NMT2: variants seen among roughly 807,000 people sequenced by gnomAD.
NMT2 encodes N-myristoyltransferase 2, also known as glycylpeptide N-tetradecanoyltransferase 2.
NMT2 carries 35 observed loss-of-function variants against 65.4 expected under a neutral mutation model. The observed-to-expected ratio is 0.54, with a 90% CI of 0.41 to 0.71. The LOEUF (loss-of-function observed/expected upper bound fraction) is 0.71, where lower values mean the gene tolerates loss of function less well. NMT2 is among the 30% of genes least tolerant of loss of function. The probability of loss-of-function intolerance (pLI) is 0.00; values close to 1 mark genes in which losing one functional copy is unlikely to be tolerated. For synonymous variants in NMT2, 226 were observed against 231.8 expected, an observed-to-expected ratio of 0.98 and a Z score of 0.23; for missense variants, 489 against 611.3, an observed-to-expected ratio of 0.80 and a Z score of 2.11.
intron 1 of NMT2, among the ~76,000 whole-genome samples, chr10:15,162,758 A>G (rs1823489142): frequency 6.7e-6 from 1 of 148,318 alleles, no homozygotes; most frequent in Non-Finnish European, 1.5e-5. Flanking sequence ...ATATATATAT[A>G]TATTTTATTT....
chr10:15,147,275 A>G (rs1846999853), intron 1 of NMT2, among the ~76,000 whole-genome samples: 1 of 152,104 alleles, frequency 6.6e-6, no homozygotes. Context: ...TTTGAGACTA[A>G]TTATTTTACA....
At chr10:15,128,539 C>T (rs1846174380) in intron 7 of NMT2, 81 bp from the exon 8 acceptor site, 5 of 866,640 alleles carry the variant, frequency 5.8e-6, no homozygotes, top group Non-Finnish European at 9.5e-6. Flanking sequence ...TTGGCTGTTA[C>T]ATAAGCATTT....
chr10:15,130,181 G>A lies in NMT2; in HGVS notation c.851C>T (p.Thr284Ile), dbSNP rs149798719. ...NLEGIFQAVY[T>I]AGVVLPKPIA... ...GGGCTTAGGAAGAACCACTCCCGCGGTGTACACAGCCTGGAAGATCCCTTC... is the reference window on the plus strand; with the variant it reads ...GGGCTTAGGAAGAACCACTCCCGCGATGTACACAGCCTGGAAGATCCCTTC... The change falls in exon 7 of 12, where the codon ACC becomes ATC. Residue 284 changes from threonine to isoleucine, a missense_variant. By Grantham distance (89) the Thr-to-Ile change is moderately conservative. Transcript: ENST00000378165. 3.8e-5 allele frequency: 60 copies of A among 1,597,086 alleles called. No individual in the cohort carries two copies. The highest frequency in any genetic ancestry group is 3.9e-5 in the Non-Finnish European group (46 of 1,170,870).
At position 15,119,467 on chromosome 10, in the gene NMT2, T is replaced by G; in HGVS notation, c.1046A>C (p.Lys349Thr). Residue 349 changes from lysine (K) to threonine (T), a missense_variant, in exon 9 of 12, where the codon AAA becomes ACA. By Grantham distance (78) the Lys-to-Thr change is moderately conservative. Transcript: ENST00000378165. The part of the protein sequence containing the change: ...GLRPMEPKDI[K>T]SVRELINTYL... Reference sequence around the variant, plus strand: ...AGTGTTGATTAATTCTCGAACTGATTTGATATCTTTTGGTTCCATTGGTCT... The same window carrying G: ...AGTGTTGATTAATTCTCGAACTGATGTGATATCTTTTGGTTCCATTGGTCT... 6.2e-7 allele frequency: 1 copy of G among 1,614,188 alleles called. No homozygotes were observed. The highest frequency in any genetic ancestry group is 8.5e-7 in the Non-Finnish European group (1 of 1,180,030).
Position 15,108,992 on chromosome 10 carries a change from T to A in NMT2, c.*203A>T. 7.4e-7 allele frequency: 1 copy of A among 1,350,276 alleles called. No homozygotes were observed. Among genetic ancestry groups the A allele is most frequent in the Non-Finnish European group, 9.5e-7 (1 of 1,055,894 alleles). The allele number at this position is 1,350,276 out of a possible 1,614,324, so 83.6% of individuals were successfully genotyped here. Reference sequence around the variant, plus strand: ...GCCTTTCATCCCTCCCACAAATAGGTCAACAGTAAAAAAAGGATGAAGTTT... The same window carrying A: ...GCCTTTCATCCCTCCCACAAATAGGACAACAGTAAAAAAAGGATGAAGTTT... On this transcript the variant is annotated 3_prime_UTR_variant, in exon 12 of 12. Transcript: ENST00000378165.
intron 3 of NMT2, among the ~76,000 whole-genome samples, chr10:15,134,348 A>G (rs182889486): frequency 1.3e-4 from 20 of 152,170 alleles, no homozygotes; most frequent in Non-Finnish European, 2.6e-4. Context: ...TCTGGCCATG[A>G]TGACCGGGGC....
At chr10:15,160,060 T>C (rs908379511) in intron 1 of NMT2, among the ~76,000 whole-genome samples, 2 of 151,980 alleles carry the variant, frequency 1.3e-5, no homozygotes, top group Non-Finnish European at 2.9e-5. Flanking sequence ...AGAAGAAAGA[T>C]CAGGAGACAC....
chr10:15,155,272 A>C (rs773408438), intron 1 of NMT2: 2 of 1,438,300 alleles, frequency 1.4e-6, no homozygotes, highest in Admixed American at 3.4e-5. Flanking sequence ...ACGTGCCCCA[A>C]GGCCTCGCTG....
chr10:15,152,998 A>C (rs929126688), intron 1 of NMT2, among the ~76,000 whole-genome samples: 1 of 152,210 alleles, frequency 6.6e-6, no homozygotes, highest in African/African-American at 2.4e-5. Context: ...TGGTGTATCC[A>C]TTCAATGCTA....
At chr10:15,147,313 C>T (rs1847001099) in intron 1 of NMT2, among the ~76,000 whole-genome samples, 1 of 151,970 alleles carries the variant, frequency 6.6e-6, no homozygotes, top group Non-Finnish European at 1.5e-5. Flanking sequence ...TTTCCAAGTT[C>T]CTGCATGGAA....
rs987515138 is a variant in NMT2 at position 15,113,758 on chromosome 10, A to T, written c.1171-795T>A. ...GTTTGGAAGAGTTCGCAAGCTTGTG[A>T]AAGGTCTTACTACTGCACCAAAATA... On this transcript the variant is annotated intron_variant, in intron 9 of 11. Transcript: ENST00000378165. 3.9e-5 allele frequency among the ~76,000 whole-genome samples: 6 copies of T among 152,318 alleles called. No homozygotes were observed. The South Asian group carries it at 1.2e-3, about 32-fold the overall frequency.
chr10:15,141,469 C>G lies in NMT2; in HGVS notation c.199G>C (p.Asp67His), dbSNP rs746285395. Residue 67 changes from aspartate (D) to histidine (H), a missense_variant, in exon 2 of 12, where the codon GAC (aspartate) becomes CAC (histidine). By Grantham distance (81) the Asp-to-His change is moderately conservative. Coordinates refer to ENST00000378165, the MANE Select transcript of NMT2 (RefSeq NM_004808.3). The stretch of plus-strand genomic sequence containing the variant: ...ATCTCCTGGGAATCAGATGCCGAGT[C>G]TGACTTGGTGCCTCCGGAATTTGGT... ...EKPNSGGTKSDSASDSQEIKI... is the reference protein window; with the variant it reads ...EKPNSGGTKSHSASDSQEIKI... 6.2e-7 allele frequency: 1 copy of G among 1,614,220 alleles called. No individual in the cohort carries two copies. The highest frequency in any genetic ancestry group is 8.5e-7 in the Non-Finnish European group (1 of 1,180,046).
At chr10:15,152,561 G>C (rs1359031213) in intron 1 of NMT2, among the ~76,000 whole-genome samples, 1 of 152,210 alleles carries the variant, frequency 6.6e-6, no homozygotes. Flanking sequence ...GATACATAAA[G>C]TCTGTGGTTT....
At position 15,168,671 on chromosome 10, in the gene NMT2, C is replaced by G. The variant is rs1833463013; in HGVS notation, c.-59G>C. On this transcript the variant is annotated 5_prime_UTR_variant, in exon 1 of 12. Transcript: ENST00000378165. ...GGCCGGGCCGGAGCGGCCGCAGCTCCCTCTAGTGCCTCCCGCCGTACTGCT... is the reference window on the plus strand; with the variant it reads ...GGCCGGGCCGGAGCGGCCGCAGCTCGCTCTAGTGCCTCCCGCCGTACTGCT... 7.8e-7 allele frequency: 1 copy of G among 1,287,812 alleles called. No homozygotes were observed. The highest frequency in any genetic ancestry group is 1.1e-6 in the Non-Finnish European group (1 of 936,520). 79.8% of individuals were successfully genotyped at this position (1,287,812 alleles called of 1,614,324 possible).
intron 1 of NMT2, chr10:15,155,461 C>T (rs969751290): frequency 3.9e-5 from 18 of 463,620 alleles, no homozygotes; most frequent in East Asian, 1.3e-4. Context: ...CTTGAACTTC[C>T]GGGCTCAAGT....
chr10:15,111,979 A>C lies in NMT2; in HGVS notation c.1338+817T>G, dbSNP rs183427729. ...CAGGTGTGTGCTATCACACCCTGCT[A>C]ATTTTTGTATTTTTAGTAGAGACAG... On this transcript the variant is annotated intron_variant, in intron 10 of 11. Transcript: ENST00000378165. Among the ~76,000 whole-genome samples the C allele has an allele frequency of 7.1e-3, 1,062 of 150,316 alleles. 16 individuals carry two copies. The highest frequency in any genetic ancestry group is 0.025 in the African/African-American group (1,016 of 40,954).
intron 9 of NMT2, among the ~76,000 whole-genome samples, chr10:15,118,704 A>G (rs896494850): frequency 3.9e-5 from 6 of 152,206 alleles, no homozygotes; most frequent in African/African-American, 1.4e-4. Flanking sequence ...AATTAACAAG[A>G]TACTGTTCCA....
chr10:15,162,592 T>C (rs1439279507), intron 1 of NMT2, among the ~76,000 whole-genome samples: 1 of 151,914 alleles, frequency 6.6e-6, no homozygotes, highest in Non-Finnish European at 1.5e-5. Context: ...CAGCGAAACA[T>C]ACATGGTAAC....
chr10:15,161,081 C>CAAAAAAAAAAAAA lies in NMT2; in HGVS notation c.110+7409_110+7421dup, dbSNP rs750859200. ...CAGAGCGAGACTCTGCCTCAAAAAT[C>CAAAAAAAAAAAAA]AAAAAAAAAAAAAAAAAAAAAAAAA... On this transcript the variant is annotated intron_variant, in intron 1 of 11. Transcript: ENST00000378165. Among the ~76,000 whole-genome samples, 67 of 19,288 alleles carry CAAAAAAAAAAAAA rather than the reference C, an allele frequency of 3.5e-3. 1 individual carries two copies. The highest frequency in any genetic ancestry group is 5.6e-3 in the African/African-American group (32 of 5,760). The allele number at this position is 19,288 out of a possible 152,430, so 12.7% of individuals were successfully genotyped here.
Sources: gnomAD v4.1 joint callset for allele counts (sites outside exome capture counted in the v4.1 genomes callset) on GRCh38, gnomAD v4.1.1 for gene constraint, MANE v1.5 for transcripts, NCBI Gene and HGNC (gene_info 2026-07-23, HGNC 2026-07-21) for gene names.